PDZD2: variants seen among roughly 807,000 people sequenced by gnomAD.
The protein encoded by PDZD2 is PDZ domain-containing protein 2.
Under a neutral mutation model 220.7 loss-of-function variants are expected in PDZD2, and 90 were observed. The ratio of observed to expected loss-of-function variants is 0.41; its 90% CI spans 0.34 to 0.49. PDZD2 has a LOEUF of 0.49. PDZD2 is among the 20% of genes least tolerant of loss of function. The pLI is 0.28. For missense variants in PDZD2, 3,174 were observed against 3,608.5 expected, an observed-to-expected ratio of 0.88 and a Z score of 3.08; for synonymous variants, 1,375 against 1,450.5, an observed-to-expected ratio of 0.95 and a Z score of 1.18.
intron 1 of PDZD2, among the ~76,000 whole-genome samples, chr5:31,752,323 C>T (rs1318744566): frequency 1.3e-5 from 2 of 151,872 alleles, no homozygotes; most frequent in Non-Finnish European, 2.9e-5. Flanking sequence ...CCAGGGCAGG[C>T]GAATCACCTG....
intron 2 of PDZD2, among the ~76,000 whole-genome samples, chr5:31,915,047 C>A (rs10067759): frequency 0.015 from 2,282 of 152,246 alleles, 55 homozygotes; most frequent in African/African-American, 0.052. Flanking sequence ...GAGTTGAATT[C>A]CTATTTCTTT....
intron 1 of PDZD2, among the ~76,000 whole-genome samples, chr5:31,760,991 A>C (rs1751608663): frequency 6.6e-6 from 1 of 152,158 alleles, no homozygotes; most frequent in Non-Finnish European, 1.5e-5. Context: ...GAGGAAGAGC[A>C]TTCTAGAAGT....
chr5:31,661,800 CT>C (rs776604791), intron 1 of PDZD2, among the ~76,000 whole-genome samples: 3 of 90,642 alleles, frequency 3.3e-5, no homozygotes, highest in African/African-American at 3.9e-5. Context: ...TTTTTTTTTT[CT>C]TTTTTTTTCA....
At chr5:31,713,213 T>C (rs1748233754) in intron 1 of PDZD2, among the ~76,000 whole-genome samples, 1 of 152,236 alleles carries the variant, frequency 6.6e-6, no homozygotes, top group Admixed American at 6.5e-5. Context: ...ATTTGCCATG[T>C]GTTTTCCCAA....
intron 1 of PDZD2, among the ~76,000 whole-genome samples, chr5:31,722,471 C>A (rs1748865310): frequency 6.6e-6 from 1 of 151,178 alleles, no homozygotes; most frequent in South Asian, 2.1e-4. Context: ...GTTTTTATTA[C>A]AGCATGTTTT....
At chr5:31,967,052 A>G (rs1179278895) in intron 2 of PDZD2, among the ~76,000 whole-genome samples, 1 of 152,236 alleles carries the variant, frequency 6.6e-6, no homozygotes, top group South Asian at 2.1e-4. Flanking sequence ...AAGTAAATTC[A>G]GAAAAGAAGC....
Position 31,983,609 on chromosome 5 carries a change from T to C in PDZD2, c.931T>C (p.Ser311Pro). ...CACAAGCAATGACAAACGCCGCTTC[T>C]CAAAAGGTGGGAAGACGGACTTCCA... Reference protein sequence around the residue: ...LTTSNDKRRFSKGGKTDFQSS... With the variant: ...LTTSNDKRRFPKGGKTDFQSS... The change falls in exon 3 of 25, where the codon TCA (serine) becomes CCA (proline). Residue 311 changes from serine (S) to proline (P), a missense_variant. By Grantham distance (74) the Ser-to-Pro change is moderately conservative. Transcript: ENST00000438447. The C allele has an allele frequency of 1.2e-6, 2 of 1,614,106 alleles. No individual in the cohort carries two copies. Among genetic ancestry groups the C allele is most frequent in the African/African-American group, 2.7e-5 (2 of 75,020 alleles).
intron 1 of PDZD2, among the ~76,000 whole-genome samples, chr5:31,790,378 G>A (rs1443020111): frequency 1.3e-5 from 2 of 151,750 alleles, no homozygotes; most frequent in South Asian, 4.2e-4. Context: ...GATTACAGGC[G>A]TGAGCCACCG....
At chr5:31,703,356 C>G (rs1391287313) in intron 1 of PDZD2, among the ~76,000 whole-genome samples, 2 of 152,158 alleles carry the variant, frequency 1.3e-5, no homozygotes, top group Non-Finnish European at 2.9e-5. Flanking sequence ...AACCATCATT[C>G]TCAGCAAGCT....
chr5:31,724,948 A>C (rs1364125026), intron 1 of PDZD2, among the ~76,000 whole-genome samples: 1 of 152,190 alleles, frequency 6.6e-6, no homozygotes. Flanking sequence ...CAAATACTTC[A>C]AGCATAAAAC....
intron 2 of PDZD2, among the ~76,000 whole-genome samples, chr5:31,814,641 G>A (rs1292964903): frequency 1.3e-5 from 2 of 151,986 alleles, no homozygotes; most frequent in South Asian, 4.2e-4. Flanking sequence ...AGGCCAACAT[G>A]GTGAAACCTC....
intron 2 of PDZD2, among the ~76,000 whole-genome samples, chr5:31,824,620 G>C (rs1756101694): frequency 6.6e-6 from 1 of 151,710 alleles, no homozygotes; most frequent in African/African-American, 2.4e-5. Context: ...GGTGTTCACG[G>C]CCGTGTGTGA....
chr5:31,823,232 C>T (rs1240281984), intron 2 of PDZD2: 2 of 346,644 alleles, frequency 5.8e-6, no homozygotes, highest in South Asian at 2.4e-5. Flanking sequence ...TTTGGGAGGC[C>T]AAGGCAGGTA....
chr5:32,030,738 T>A (rs1755054206), intron 6 of PDZD2, among the ~76,000 whole-genome samples: 1 of 152,186 alleles, frequency 6.6e-6, no homozygotes, highest in African/African-American at 2.4e-5. Context: ...CACCACTGGC[T>A]CTGCGTTAGC....
chr5:31,721,504 A>G (rs1307208017), intron 1 of PDZD2, among the ~76,000 whole-genome samples: 1 of 150,880 alleles, frequency 6.6e-6, no homozygotes, highest in Non-Finnish European at 1.5e-5. Context: ...GCCTGACACC[A>G]AATAACTGCC....
Position 32,053,840 on chromosome 5 carries a change from CT to C in PDZD2, c.1859del (p.Phe620SerfsTer19). The C allele has an allele frequency of 2.5e-6, 4 of 1,612,634 alleles. No homozygotes were observed. The highest frequency in any genetic ancestry group is 3.4e-6 in the Non-Finnish European group (4 of 1,178,652). On this transcript the variant is annotated frameshift_variant, in exon 10 of 25. Coordinates refer to ENST00000438447, the MANE Select transcript of PDZD2 (RefSeq NM_178140.4). LOFTEE classifies it high-confidence loss of function. ...AGATGGGGATTTTTGTCAAGACCAT[CT>C]TCCCAAATGGATCAGCTGCAGAGGA... is the stretch of plus-strand genomic sequence containing the variant. ...GQMGIFVKTI[F>X]PNGSAAEDGR... is the part of the protein sequence containing the mutation.
At chr5:31,892,053 GGT>G (rs201316257) in intron 2 of PDZD2, among the ~76,000 whole-genome samples, 8,823 of 152,118 alleles carry the variant, frequency 0.058, 355 homozygotes, top group Non-Finnish European at 0.081. Context: ...TGTGACCACA[GGT>G]GTGCACCACC....
At chr5:31,889,720 G>T (rs1740833036) in intron 2 of PDZD2, among the ~76,000 whole-genome samples, 1 of 152,060 alleles carries the variant, frequency 6.6e-6, no homozygotes, top group Admixed American at 6.6e-5. Context: ...CTTCTTGGAG[G>T]CATTAAGACA....
Position 32,087,733 on chromosome 5 carries a change from A to G in PDZD2, c.4285A>G (p.Ser1429Gly), listed in dbSNP as rs2112464435. 1 of 1,614,042 alleles carries G rather than the reference A, an allele frequency of 6.2e-7. No individual in the cohort carries two copies. The highest frequency in any genetic ancestry group is 8.5e-7 in the Non-Finnish European group (1 of 1,179,950). ...AGAGAGCCCTGTGACGGACATTGAC[A>G]GCTTCATCAAGGAGCTGGATGCTTC... Reference protein sequence around the residue: ...SRESPVTDIDSFIKELDASAA... With the variant: ...SRESPVTDIDGFIKELDASAA... The change falls in exon 20 of 25, where the codon AGC becomes GGC. Residue 1429 changes from serine to glycine, a missense_variant. Physicochemically the swap from Ser to Gly is moderately conservative, Grantham distance 56. Coordinates refer to ENST00000438447, the MANE Select transcript of PDZD2 (RefSeq NM_178140.4). This position sits in a 1 kb window ranked among gnomAD's most constrained non-coding sequence, Gnocchi z 4.0.
Sources: gnomAD v4.1 joint callset for allele counts (sites outside exome capture counted in the v4.1 genomes callset) on GRCh38, gnomAD v4.1.1 for gene constraint, Gnocchi (gnomAD v3.1) non-coding constraint, MANE v1.5 for transcripts, NCBI Gene and HGNC (gene_info 2026-07-23, HGNC 2026-07-21) for gene names.